FAM76B: variants seen among roughly 807,000 people sequenced by gnomAD.
FAM76B encodes protein FAM76B.
FAM76B carries 16 observed loss-of-function variants against 51.8 expected under a neutral mutation model. The ratio of observed to expected loss-of-function variants is 0.31; its 90% CI spans 0.21 to 0.47. The LOEUF (loss-of-function observed/expected upper bound fraction) is 0.47, where lower values mean the gene tolerates loss of function less well. Among genes scored for constraint, FAM76B ranks in the 20% least tolerant of loss-of-function variants. The pLI is 1.00. For synonymous variants in FAM76B, 166 were observed against 129.5 expected (o/e 1.28, Z -1.91); for missense variants, 342 against 392.6 (o/e 0.87, Z 1.09).
chr11:95,779,765 A>G (rs1591016362), intron 6 of FAM76B, 78 bp from the exon 7 acceptor site: 3 of 1,564,796 alleles, frequency 1.9e-6, no homozygotes, highest in Non-Finnish European at 2.6e-6. Context: ...ATCTTCCCCT[A>G]AAATATTACT....
intron 1 of FAM76B, chr11:95,788,932 C>T: frequency 7.4e-7 from 1 of 1,349,364 alleles, no homozygotes; most frequent in Non-Finnish European, 9.7e-7. Flanking sequence ...GTTCCCAAAC[C>T]AGTCGCTTCG....
intron 9 of FAM76B, among the ~76,000 whole-genome samples, chr11:95,771,953 T>C (rs948777442): frequency 6.6e-6 from 1 of 150,920 alleles, no homozygotes; most frequent in Admixed American, 6.6e-5. Flanking sequence ...AGGTCCAAAT[T>C]TTAATAGGGA....
At chr11:95,789,315 G>A (rs951897495) in intron 1 of FAM76B, 77 bp downstream of exon 1, 549 of 1,448,784 alleles carry the variant, frequency 3.8e-4, no homozygotes, top group Non-Finnish European at 4.3e-4. Flanking sequence ...AAGAGGGGCT[G>A]CAGTGCAGCG....
At position 95,782,920 on chromosome 11, in the gene FAM76B, G is replaced by C. The variant is rs1860352296; in HGVS notation, c.563+145C>G. ...AACATTCTACACTGAATAAAATGGA[G>C]ACACAGCCTTAGACACTCAAGATGC... On this transcript the variant is annotated intron_variant, in intron 5 of 9. Transcript: ENST00000358780. 2.2e-5 allele frequency: 21 copies of C among 964,692 alleles called. 1 individual carries two copies. In the South Asian group the frequency reaches 3.1e-4, roughly 14 times the overall value. 59.8% of individuals were successfully genotyped at this position (964,692 alleles called of 1,614,324 possible).
chr11:95,776,410 A>G (rs1275193548), intron 8 of FAM76B, among the ~76,000 whole-genome samples: 1 of 151,582 alleles, frequency 6.6e-6, no homozygotes, highest in Non-Finnish European at 1.5e-5. Context: ...AAACTAGCTT[A>G]TGCGTAAAAT....
At chr11:95,784,112 C>T (rs898950142) in intron 4 of FAM76B, among the ~76,000 whole-genome samples, 1 of 152,110 alleles carries the variant, frequency 6.6e-6, no homozygotes, top group Admixed American at 6.5e-5. Context: ...CAGCTATAGA[C>T]AAGAACAAGA....
In FAM76B at chr11:95,789,392, C is replaced by A; in HGVS notation, c.87G>T (p.Lys29Asn). Residue 29 changes from lysine (K) to asparagine (N), a missense_variant and splice_region_variant, in exon 1 of 10, where the codon AAG becomes AAT. This residue lies in a region of FAM76B where 96 missense variants were observed against 94.7 expected (regional missense o/e 1.01). Transcript: ENST00000358780. ...CGCCCGCCTCCCGGAGCCCACGGAC[C>A]TTGCAGAGCTGCTGGCCCTGGGAGA... The part of the protein sequence containing the change: ...EELSQGQQLC[K>N]ECRIAHPIVK... 6.3e-7 allele frequency: 1 copy of A among 1,597,660 alleles called. No homozygotes were observed.
intron 6 of FAM76B, 83 bp from the exon 7 acceptor site, chr11:95,779,770 A>G: frequency 1.3e-6 from 2 of 1,560,798 alleles, no homozygotes; most frequent in Non-Finnish European, 1.7e-6. Flanking sequence ...CCCCTAAAAT[A>G]TTACTGAAAA....
intron 4 of FAM76B, 30 bp from the exon 5 acceptor site, chr11:95,783,294 A>G: frequency 6.3e-7 from 1 of 1,594,436 alleles, no homozygotes; most frequent in Non-Finnish European, 8.6e-7. Flanking sequence ...AATTAAATGT[A>G]CCCATATAAA....
intron 9 of FAM76B, among the ~76,000 whole-genome samples, chr11:95,773,768 C>T (rs1377975925): frequency 6.6e-6 from 1 of 151,258 alleles, no homozygotes; most frequent in African/African-American, 2.4e-5. Flanking sequence ...TAACCACTTA[C>T]CTAATTAAGT....
rs578060310 is a variant in FAM76B, at chr11:95,771,806, T to C, written c.931-156A>G. On this transcript the variant is annotated intron_variant, in intron 9 of 9. Transcript: ENST00000358780. The stretch of plus-strand genomic sequence containing the variant: ...GAGTTGATACCTTTACATTCATCTC[T>C]TTAAGGATGAACATGCAGAAGGAAA... Among the ~76,000 whole-genome samples the C allele has an allele frequency of 2.0e-5, 3 of 151,350 alleles. No homozygotes were observed. In the East Asian group the frequency reaches 5.8e-4, roughly 29 times the overall value.
At chr11:95,780,719 G>A (rs1860222308) in intron 5 of FAM76B, among the ~76,000 whole-genome samples, 2 of 151,966 alleles carry the variant, frequency 1.3e-5, no homozygotes, top group Admixed American at 6.6e-5. Context: ...TTTAGAAGAT[G>A]TTAGAATACC....
Position 95,769,270 on chromosome 11 carries a change from T to G in FAM76B, c.*2291A>C, listed in dbSNP as rs1324884095. 1 of 152,280 alleles carries G rather than the reference T, an allele frequency of 6.6e-6. No homozygotes were observed. The highest frequency in any genetic ancestry group is 1.5e-5 in the Non-Finnish European group (1 of 67,834). 9.4% of individuals were successfully genotyped at this position (152,280 alleles called of 1,614,324 possible). A position where few individuals can be genotyped will look rare whatever the true frequency, so the allele number is the denominator to read the frequency against. ...CCACATTTAAAGAATATCAGTTTAT[T>G]ATGTCAAAACACTACAGAGATCCAG... On this transcript the variant is annotated 3_prime_UTR_variant, in exon 10 of 10. Coordinates refer to ENST00000358780, the MANE Select transcript of FAM76B (RefSeq NM_144664.5).
rs748208600 is a variant in FAM76B, at chr11:95,778,916, T to C, written c.734A>G (p.Asn245Ser). The stretch of plus-strand genomic sequence containing the variant: ...TTTCAATTGACTTATAAGGACAAAA[T>C]TGTCTGTTCCCCCACTATCTGCTGA... ...NQSADSGGTDNFVLISQLKEE... is the reference protein window; with the variant it reads ...NQSADSGGTDSFVLISQLKEE... Residue 245 changes from asparagine (N) to serine (S), a missense_variant, in exon 8 of 10, where the codon AAT (asparagine) becomes AGT (serine). Around this residue, in one of 3 missense-constraint regions of FAM76B, gnomAD observed 230 missense variants for 257.4 expected, o/e 0.89. Coordinates refer to ENST00000358780, the MANE Select transcript of FAM76B (RefSeq NM_144664.5). The C allele has an allele frequency of 1.2e-6, 2 of 1,610,818 alleles. No homozygotes were observed. Among genetic ancestry groups the C allele is most frequent in the Non-Finnish European group, 1.7e-6 (2 of 1,178,002 alleles).
chr11:95,788,406 A>C (rs1860723407), intron 2 of FAM76B, 93 bp downstream of exon 2: 2 of 1,060,498 alleles, frequency 1.9e-6, no homozygotes. Context: ...ATTTTTTAAA[A>C]ATACTTTCAT....
chr11:95,788,294 A>G (rs1239815998), intron 2 of FAM76B, among the ~76,000 whole-genome samples: 1 of 152,164 alleles, frequency 6.6e-6, no homozygotes. Flanking sequence ...CTTCTCTCAT[A>G]TAAAGTCTAA....
At chr11:95,778,131 C>G (rs1860093049) in intron 8 of FAM76B, among the ~76,000 whole-genome samples, 1 of 151,470 alleles carries the variant, frequency 6.6e-6, no homozygotes, top group Non-Finnish European at 1.5e-5. Context: ...GGATTTGAAT[C>G]TAAGTATGGC....
chr11:95,770,323 T>G lies in FAM76B; in HGVS notation c.*1238A>C, dbSNP rs1024555721. ...ATTTACTTATAATGCCTGAATCTTATAGTAGATTCCAATTTATTCAAAGAT... is the reference window on the plus strand; with the variant it reads ...ATTTACTTATAATGCCTGAATCTTAGAGTAGATTCCAATTTATTCAAAGAT... On this transcript the variant is annotated 3_prime_UTR_variant, in exon 10 of 10. Coordinates refer to ENST00000358780, the MANE Select transcript of FAM76B (RefSeq NM_144664.5). 2 of 151,856 alleles carry G rather than the reference T, an allele frequency of 1.3e-5. No homozygotes were observed. Among genetic ancestry groups the G allele is most frequent in the Non-Finnish European group, 3.0e-5 (2 of 67,512 alleles). 9.4% of individuals were successfully genotyped at this position (151,856 alleles called of 1,614,324 possible). A position where few individuals can be genotyped will look rare whatever the true frequency, so the allele number is the denominator to read the frequency against.
At chr11:95,780,829 A>C (rs1860227507) in intron 5 of FAM76B, among the ~76,000 whole-genome samples, 1 of 152,054 alleles carries the variant, frequency 6.6e-6, no homozygotes, top group Non-Finnish European at 1.5e-5. Context: ...TGAGTTATAT[A>C]TGTAAAATCA....
Sources: gnomAD v4.1 joint callset for allele counts (sites outside exome capture counted in the v4.1 genomes callset) on GRCh38, gnomAD v4.1.1 for gene constraint, gnomAD v4.1.1 regional missense constraint, MANE v1.5 for transcripts, NCBI Gene and HGNC (gene_info 2026-07-23, HGNC 2026-07-21) for gene names.